Variants in RHOQ observed in about 807,000 individuals in gnomAD.
RHOQ encodes ras homolog family member Q, also known as rho-related GTP-binding protein RhoQ.
In RHOQ, 7 loss-of-function variants were observed where a neutral mutation model predicts 25.8. That is an observed-to-expected ratio of 0.27 (90% CI 0.15 to 0.51). The LOEUF (loss-of-function observed/expected upper bound fraction) is 0.51, where lower values mean the gene tolerates loss of function less well. Ranked by LOEUF, RHOQ falls within the 20% of genes least tolerant of loss-of-function variation. RHOQ has a pLI of 0.97. For synonymous variants in RHOQ, 97 were observed against 98.6 expected, an observed-to-expected ratio of 0.98 and a Z score of 0.10; for missense variants, 165 against 260.6, an observed-to-expected ratio of 0.63 and a Z score of 2.53.
At chr2:46,554,891 C>T (rs1572740215) in intron 2 of RHOQ, among the ~76,000 whole-genome samples, 1 of 152,094 alleles carries the variant, frequency 6.6e-6, no homozygotes, top group East Asian at 1.9e-4. Flanking sequence ...AGTGTGCCCC[C>T]TCTAGGAGCA....
At position 46,579,471 on chromosome 2, in the gene RHOQ, T is replaced by A. The variant is rs193035669; in HGVS notation, c.463-1457T>A. Among the ~76,000 whole-genome samples, 12 of 152,326 alleles carry A rather than the reference T, an allele frequency of 7.9e-5. No individual in the cohort carries two copies. In the East Asian group the frequency reaches 2.3e-3, roughly 29 times the overall value. On this transcript the variant is annotated intron_variant, in intron 4 of 4. Coordinates refer to ENST00000238738, the MANE Select transcript of RHOQ (RefSeq NM_012249.4). Reference sequence around the variant, plus strand: ...TCCAGCTGTTTACTCAACAAGTCCATCTACATGGCTGAGTATCTCAAAATT... The same window carrying A: ...TCCAGCTGTTTACTCAACAAGTCCAACTACATGGCTGAGTATCTCAAAATT...
chr2:46,572,108 T>TGTG (rs201408479), intron 2 of RHOQ, among the ~76,000 whole-genome samples: 5 of 78,780 alleles, frequency 6.3e-5, no homozygotes, highest in South Asian at 4.3e-4. Flanking sequence ...TAAGTGTGTG[T>TGTG]TTTTTTTTTT....
intron 2 of RHOQ, among the ~76,000 whole-genome samples, chr2:46,563,424 C>T (rs1668630790): frequency 6.6e-6 from 1 of 152,172 alleles, no homozygotes; most frequent in Non-Finnish European, 1.5e-5. Flanking sequence ...GTTACATAGG[C>T]TGTAGTAATG....
intron 1 of RHOQ, 71 bp from the exon 2 acceptor site, chr2:46,543,682 TG>T: frequency 7.1e-7 from 1 of 1,399,092 alleles, no homozygotes; most frequent in Non-Finnish European, 1.0e-6. Context: ...AGGGTCCGGG[TG>T]GGGAGCGAAA....
At chr2:46,575,442 C>CACACACACAA (rs1237331804) in intron 2 of RHOQ, among the ~76,000 whole-genome samples, 45 of 136,496 alleles carry the variant, frequency 3.3e-4, no homozygotes, top group Non-Finnish European at 4.0e-4. Context: ...CACACACACA[C>CACACACACAA]AATTAATAAA....
chr2:46,564,075 C>T (rs1482820837), intron 2 of RHOQ, among the ~76,000 whole-genome samples: 3 of 152,014 alleles, frequency 2.0e-5, no homozygotes, highest in African/African-American at 4.8e-5. Flanking sequence ...GAGGCCAAGG[C>T]AGGAGGATTG....
intron 4 of RHOQ, chr2:46,579,958 TC>T (rs1669289439): frequency 6.6e-6 from 1 of 152,434 alleles, no homozygotes; most frequent in African/African-American, 2.4e-5. Flanking sequence ...GACACTTTTT[TC>T]TAACTCTTCC....
Position 46,558,735 on chromosome 2 carries a change from A to G in RHOQ, c.201+14923A>G, listed in dbSNP as rs140272139. ...AGTCAGTCTCTTTTGTTACCCTGGAACTTCCACTATTCAGATGCTGGAGTT... is the reference window on the plus strand; with the variant it reads ...AGTCAGTCTCTTTTGTTACCCTGGAGCTTCCACTATTCAGATGCTGGAGTT... On this transcript the variant is annotated intron_variant, in intron 2 of 4. Coordinates refer to ENST00000238738, the MANE Select transcript of RHOQ (RefSeq NM_012249.4). 5.5e-4 allele frequency among the ~76,000 whole-genome samples: 84 copies of G among 152,286 alleles called. 2 individuals are homozygous for G. In the East Asian group the frequency reaches 8.9e-3, roughly 16 times the overall value.
chr2:46,559,417 G>A (rs1668503261), intron 2 of RHOQ, among the ~76,000 whole-genome samples: 1 of 152,248 alleles, frequency 6.6e-6, no homozygotes, highest in African/African-American at 2.4e-5. Context: ...TTCCTCAAAT[G>A]TCTATCTGTG....
chr2:46,547,779 G>A (rs1213385608), intron 2 of RHOQ, among the ~76,000 whole-genome samples: 3 of 152,220 alleles, frequency 2.0e-5, no homozygotes, highest in Non-Finnish European at 4.4e-5. Context: ...TCTGCTCAAG[G>A]AGGGACTGGA....
intron 2 of RHOQ, among the ~76,000 whole-genome samples, chr2:46,570,527 A>G (rs1668879126): frequency 6.6e-6 from 1 of 152,114 alleles, no homozygotes; most frequent in Non-Finnish European, 1.5e-5. Context: ...TATAAGTTAG[A>G]TGTAGGAGAA....
At chr2:46,543,940 G>GTAACAAGTCAGCAAAT in intron 2 of RHOQ, 128 bp downstream of exon 2, 1 of 712,856 alleles carries the variant, frequency 1.4e-6, no homozygotes, top group Non-Finnish European at 2.4e-6. Flanking sequence ...CCTGGATTAG[G>GTAACAAGTCAGCAAAT]TCTTTATTTC....
At chr2:46,554,221 C>T (rs1417345258) in intron 2 of RHOQ, among the ~76,000 whole-genome samples, 2 of 151,720 alleles carry the variant, frequency 1.3e-5, no homozygotes, top group Admixed American at 1.3e-4. Context: ...TGAGATTATC[C>T]GTAATTACTG....
intron 4 of RHOQ, among the ~76,000 whole-genome samples, chr2:46,577,553 C>A (rs1669174915): frequency 6.7e-6 from 1 of 149,222 alleles, no homozygotes; most frequent in Admixed American, 6.7e-5. Flanking sequence ...GTGCCTGCCA[C>A]CACACCCGGC....
rs1668420287 is a variant in RHOQ at position 46,556,685 on chromosome 2, A to C, written c.201+12873A>C. 6.6e-6 allele frequency among the ~76,000 whole-genome samples: 1 copy of C among 152,070 alleles called. No individual in the cohort carries two copies. The highest frequency in any genetic ancestry group is 1.5e-5 in the Non-Finnish European group (1 of 68,016). ...TCCGATCGGGTTCTTCCCCCGTAGGAGTTTACAGTCCAGTTGGAAGATGAA... is the reference window on the plus strand; with the variant it reads ...TCCGATCGGGTTCTTCCCCCGTAGGCGTTTACAGTCCAGTTGGAAGATGAA... On this transcript the variant is annotated intron_variant, in intron 2 of 4. Transcript: ENST00000238738. This position sits in a 1 kb window ranked among gnomAD's most constrained non-coding sequence, Gnocchi z 4.9.
intron 2 of RHOQ, among the ~76,000 whole-genome samples, chr2:46,554,301 T>C (rs937603139): frequency 9.9e-5 from 15 of 152,148 alleles, no homozygotes; most frequent in African/African-American, 3.6e-4. Context: ...GCCGCAGTGC[T>C]ATCAGGAGAA....
chr2:46,557,064 G>A (rs1668431402), intron 2 of RHOQ, among the ~76,000 whole-genome samples: 1 of 152,170 alleles, frequency 6.6e-6, no homozygotes, highest in Admixed American at 6.5e-5. Context: ...AAAGACATGT[G>A]AATAAAAACT....
At chr2:46,543,233 G>GA in intron 1 of RHOQ, 45 bp downstream of exon 1, 1 of 1,607,390 alleles carries the variant, frequency 6.2e-7, no homozygotes, top group South Asian at 1.1e-5. Flanking sequence ...CCCGGGCCGG[G>GA]AACTTTGGAG....
At chr2:46,563,658 G>T (rs900885986) in intron 2 of RHOQ, among the ~76,000 whole-genome samples, 5 of 152,108 alleles carry the variant, frequency 3.3e-5, no homozygotes, top group African/African-American at 9.7e-5. Flanking sequence ...TTGGCCTCCA[G>T]GGACTTCTTG....
Sources: allele counts gnomAD v4.1 joint callset (sites outside exome capture counted in the v4.1 genomes callset), GRCh38; gene constraint gnomAD v4.1.1; non-coding constraint Gnocchi (gnomAD v3.1); transcripts MANE v1.5; gene names NCBI Gene and HGNC (gene_info 2026-07-23, HGNC 2026-07-21).